CACNA1C: variants seen among roughly 807,000 people sequenced by gnomAD.
CACNA1C encodes calcium voltage-gated channel subunit alpha1 C, also known as voltage-dependent L-type calcium channel subunit alpha-1C.
CACNA1C carries 30 observed loss-of-function variants against 229.0 expected under a neutral mutation model. The observed-to-expected ratio is 0.13, with a 90% CI of 0.10 to 0.18. The LOEUF is 0.18. Among genes scored for constraint, CACNA1C ranks in the 10% least tolerant of loss-of-function variants. The pLI is 1.00. For synonymous variants in CACNA1C, 1,114 were observed against 1,132.5 expected, an observed-to-expected ratio of 0.98 and a Z score of 0.33; for missense variants, 1,658 against 2,845.0, an observed-to-expected ratio of 0.58 and a Z score of 9.49.
intron 1 of CACNA1C, among the ~76,000 whole-genome samples, chr12:2,005,153 A>AC (rs967313880): frequency 5.3e-5 from 8 of 152,192 alleles, no homozygotes; most frequent in African/African-American, 1.9e-4. Flanking sequence ...AAAGAAAAAA[A>AC]AAAAAAGAAG....
Position 2,677,017 on chromosome 12 carries a change from GA to G in CACNA1C, c.4829-67del, listed in dbSNP as rs372244578. On this transcript the variant is annotated intron_variant, in intron 39 of 46. Transcript: ENST00000399655. This position sits in a 1 kb window ranked among gnomAD's most constrained non-coding sequence, Gnocchi z 7.4. ...AAAGTTTTAAAAAGTTTTGGATGCT[GA>G]AAAAAAAAATGAATGAAGTTCAACT... The G allele has an allele frequency of 1.9e-3, 2,182 of 1,165,044 alleles. 4 individuals carry two copies. Among genetic ancestry groups the G allele is most frequent in the Middle Eastern group, 2.0e-3 (10 of 4,960 alleles). 72.2% of individuals were successfully genotyped at this position (1,165,044 alleles called of 1,614,324 possible). A position where few individuals can be genotyped will look rare whatever the true frequency, so the allele number is the denominator to read the frequency against.
intron 3 of CACNA1C, among the ~76,000 whole-genome samples, chr12:2,334,410 G>A (rs2096633665): frequency 6.6e-6 from 1 of 152,200 alleles, no homozygotes; most frequent in Admixed American, 6.5e-5. Flanking sequence ...TGGTTCATTA[G>A]GATGCTCAAC....
rs567656797 is a variant in CACNA1C at position 2,646,760 on chromosome 12, G to A, written c.3913-1715G>A. On this transcript the variant is annotated intron_variant, in intron 30 of 46. Coordinates refer to ENST00000399655, the MANE Select transcript of CACNA1C (RefSeq NM_000719.7). This position sits in a 1 kb window ranked among gnomAD's most constrained non-coding sequence, Gnocchi z 4.6. ...TCTGTGCATGCCTGTATGAGAGAGA[G>A]AGAGAGAAAGAGAGAGAGAGAGAGA... 4.6e-3 allele frequency among the ~76,000 whole-genome samples: 264 copies of A among 56,908 alleles called. No individual in the cohort carries two copies. Among genetic ancestry groups the A allele is most frequent in the Middle Eastern group, 0.011 (1 of 88 alleles). The allele number at this position is 56,908 out of a possible 152,430, so 37.3% of individuals were successfully genotyped here. A position where few individuals can be genotyped will look rare whatever the true frequency, so the allele number is the denominator to read the frequency against.
chr12:2,340,634 T>C (rs2096833684), intron 3 of CACNA1C, among the ~76,000 whole-genome samples: 1 of 152,124 alleles, frequency 6.6e-6, no homozygotes, highest in African/African-American at 2.4e-5. Flanking sequence ...TGAGAGGAGA[T>C]TGATTTGATC....
At chr12:2,040,746 G>A (rs763309510) in intron 1 of CACNA1C, among the ~76,000 whole-genome samples, 1 of 152,198 alleles carries the variant, frequency 6.6e-6, no homozygotes, top group Non-Finnish European at 1.5e-5. Context: ...TGTCAAAGAT[G>A]ACAGAAAATT....
At position 2,181,460 on chromosome 12, in the gene CACNA1C, AT is replaced by A. The variant is rs2096839032; in HGVS notation, c.477+61033del. On this transcript the variant is annotated intron_variant, in intron 3 of 46. Transcript: ENST00000399655. The surrounding 1 kb of genome is among the most constrained non-coding windows in gnomAD (Gnocchi z 4.0). ...GGCGAGCTGAAACAAACAGGAAAAC[AT>A]TTGAGCCTGATGTTAGGTTCCAAAA... 6.6e-6 allele frequency among the ~76,000 whole-genome samples: 1 copy of A among 152,196 alleles called. No individual in the cohort carries two copies. Among genetic ancestry groups the A allele is most frequent in the African/African-American group, 2.4e-5 (1 of 41,448 alleles).
intron 12 of CACNA1C, among the ~76,000 whole-genome samples, chr12:2,567,275 A>T (rs561279357): frequency 2.6e-5 from 4 of 152,304 alleles, no homozygotes; most frequent in African/African-American, 9.6e-5. Context: ...TCATCTCTGA[A>T]AATGGGCATG....
intron 1 of CACNA1C, among the ~76,000 whole-genome samples, chr12:2,000,590 A>C (rs1204138422): frequency 6.6e-6 from 1 of 152,218 alleles, no homozygotes; most frequent in Non-Finnish European, 1.5e-5. Context: ...TAAAACTAAG[A>C]TTTTTATTTA....
Position 2,310,418 on chromosome 12 carries a change from T to C in CACNA1C, c.478-138558T>C, listed in dbSNP as rs193039427. On this transcript the variant is annotated intron_variant, in intron 3 of 46. Transcript: ENST00000399655. ...TGATGTGTATCACCAACATATCTAA[T>C]TTGGTTTTGAATGTGGGGGAGGCAA... is the stretch of plus-strand genomic sequence containing the variant. Among the ~76,000 whole-genome samples, 319 of 151,772 alleles carry C rather than the reference T, an allele frequency of 2.1e-3. 1 individual carries two copies. The highest frequency in any genetic ancestry group is 7.5e-3 in the African/African-American group (309 of 41,350).
At chr12:2,170,916 G>A (rs2096452655) in intron 3 of CACNA1C, among the ~76,000 whole-genome samples, 1 of 152,226 alleles carries the variant, frequency 6.6e-6, no homozygotes, top group Admixed American at 6.5e-5. Context: ...CCTGCTGCTT[G>A]GGAGGGTATG....
At position 2,694,575 on chromosome 12, in the gene CACNA1C, A is replaced by C. The variant is rs911191374; in HGVS notation, c.*3376A>C. The C allele has an allele frequency of 1.3e-5, 2 of 152,218 alleles. No individual in the cohort carries two copies. The highest frequency in any genetic ancestry group is 3.2e-3 in the Middle Eastern group (1 of 316). The allele number at this position is 152,218 out of a possible 1,614,324, so 9.4% of individuals were successfully genotyped here. On this transcript the variant is annotated 3_prime_UTR_variant, in exon 47 of 47. Transcript: ENST00000399655. ...CAATAGGCCTCACTCTCACTGGGAA[A>C]TCCACTCAAAGGAACAAGGCAATGT...
chr12:2,344,053 G>T (rs1217886865), intron 3 of CACNA1C, among the ~76,000 whole-genome samples: 1 of 152,180 alleles, frequency 6.6e-6, no homozygotes, highest in African/African-American at 2.4e-5. Context: ...GGTTCCCCCA[G>T]GCAGTAAATT....
chr12:2,685,058 G>C (rs1380524316), intron 43 of CACNA1C, among the ~76,000 whole-genome samples: 1 of 152,200 alleles, frequency 6.6e-6, no homozygotes, highest in Non-Finnish European at 1.5e-5. Context: ...GACTAAAGTG[G>C]ACTGGGACTC....
Position 2,602,056 on chromosome 12 carries a change from C to G in CACNA1C, c.2960+96C>G, listed in dbSNP as rs1008909066. 6 of 796,522 alleles carry G rather than the reference C, an allele frequency of 7.5e-6. No individual in the cohort carries two copies. The highest frequency in any genetic ancestry group is 2.3e-4 in the Middle Eastern group (1 of 4,420). 49.3% of individuals were successfully genotyped at this position (796,522 alleles called of 1,614,324 possible). A position where few individuals can be genotyped will look rare whatever the true frequency, so the allele number is the denominator to read the frequency against. On this transcript the variant is annotated intron_variant, in intron 22 of 46. Transcript: ENST00000399655. The surrounding 1 kb of genome is among the most constrained non-coding windows in gnomAD (Gnocchi z 4.4). ...CCTGGAGGGCCTGCCTGCAGGGCCA[C>G]CGCAGTGTGATGAGAGTGGGGTGGG...
intron 3 of CACNA1C, among the ~76,000 whole-genome samples, chr12:2,143,176 A>G (rs1246219024): frequency 6.6e-6 from 1 of 151,070 alleles, no homozygotes; most frequent in Non-Finnish European, 1.5e-5. Flanking sequence ...GGGTTTCACC[A>G]TGTTGGCCAG....
At chr12:2,530,090 G>A (rs1990240) in intron 9 of CACNA1C, among the ~76,000 whole-genome samples, 52,562 of 152,162 alleles carry the variant, frequency 0.35, 10,369 homozygotes, top group African/African-American at 0.54. Flanking sequence ...TGAGAACTCA[G>A]CTGTATCTCC....
intron 3 of CACNA1C, among the ~76,000 whole-genome samples, chr12:2,442,459 G>A (rs188811337): frequency 8.5e-5 from 13 of 152,290 alleles, no homozygotes; most frequent in Non-Finnish European, 1.6e-4. Context: ...GAATTGAAGA[G>A]AAAGTGGTAG....
intron 1 of CACNA1C, among the ~76,000 whole-genome samples, chr12:2,084,460 C>T (rs1222046747): frequency 6.6e-6 from 1 of 152,200 alleles, no homozygotes; most frequent in African/African-American, 2.4e-5. Context: ...ATTTTTGAAG[C>T]AGACTATTAT....
In CACNA1C at chr12:2,152,419, C is replaced by T. The variant is rs745907736; in HGVS notation, c.477+31989C>T. On this transcript the variant is annotated intron_variant, in intron 3 of 46. Transcript: ENST00000399655. This position sits in a 1 kb window ranked among gnomAD's most constrained non-coding sequence, Gnocchi z 4.2. ...GCCCTTGAAGGCAAAGTCATGCCTG[C>T]CCTTTCCCTTTCTCCCTCTGCAGGC... Among the ~76,000 whole-genome samples the T allele has an allele frequency of 2.0e-5, 3 of 152,234 alleles. No individual in the cohort carries two copies. Among genetic ancestry groups the T allele is most frequent in the Non-Finnish European group, 4.4e-5 (3 of 68,054 alleles).
Sources: allele counts gnomAD v4.1 joint callset (sites outside exome capture counted in the v4.1 genomes callset), GRCh38; gene constraint gnomAD v4.1.1; non-coding constraint Gnocchi (gnomAD v3.1); transcripts MANE v1.5; gene names NCBI Gene and HGNC (gene_info 2026-07-23, HGNC 2026-07-21).